MAP3K7CL: variants seen among roughly 807,000 people sequenced by gnomAD.
MAP3K7CL encodes MAP3K7 C-terminal like.
MAP3K7CL carries 16 observed loss-of-function variants against 18.6 expected under a neutral mutation model. That is an observed-to-expected ratio of 0.86 (90% confidence interval 0.58 to 1.31). MAP3K7CL has a LOEUF of 1.31. MAP3K7CL is among the 50% of genes most tolerant of loss of function. MAP3K7CL has a pLI of 0.00. For synonymous variants in MAP3K7CL, 65 were observed against 66.8 expected, an observed-to-expected ratio of 0.97 and a Z score of 0.13; for missense variants, 163 against 174.4, an observed-to-expected ratio of 0.93 and a Z score of 0.37.
intron 3 of MAP3K7CL, among the ~76,000 whole-genome samples, chr21:29,158,917 C>CTTTTTTT (rs36003464): frequency 3.0e-5 from 3 of 100,436 alleles, no homozygotes; most frequent in African/African-American, 4.0e-5. Context: ...AAAAGTAGTA[C>CTTTTTTT]TTTTTTTTTT....
chr21:29,160,312 C>G (rs1034411133), intron 4 of MAP3K7CL, among the ~76,000 whole-genome samples: 2 of 152,162 alleles, frequency 1.3e-5, no homozygotes, highest in Non-Finnish European at 1.5e-5. Context: ...AAATACCACC[C>G]AAAACCACAC....
At chr21:29,085,724 A>T, upstream of MAP3K7CL, 1 of 766,918 alleles carries the variant, frequency 1.3e-6, no homozygotes, top group South Asian at 1.7e-5. Flanking sequence ...ATTTAACATT[A>T]ATTGAATGCC....
At chr21:29,130,277 T>A (rs1007905867), upstream of MAP3K7CL, among the ~76,000 whole-genome samples, 4 of 152,246 alleles carry the variant, frequency 2.6e-5, no homozygotes, top group African/African-American at 9.6e-5. Context: ...ATTTGAAGAA[T>A]GAATCGAGTC....
At chr21:29,158,048 TGTAA>T (rs1215500889) in intron 3 of MAP3K7CL, among the ~76,000 whole-genome samples, 1 of 152,046 alleles carries the variant, frequency 6.6e-6, no homozygotes, top group Admixed American at 6.6e-5. Flanking sequence ...GTGTGGTGTT[TGTAA>T]GGACAGGATC....
chr21:29,118,109 G>A (rs376488043), intron 4 of MAP3K7CL, among the ~76,000 whole-genome samples: 17 of 136,838 alleles, frequency 1.2e-4, no homozygotes, highest in African/African-American at 4.4e-4. Context: ...TTTTTGAGAC[G>A]GACTCTTGCA....
At chr21:29,172,967 T>C (rs2123256153) in intron 4 of MAP3K7CL, among the ~76,000 whole-genome samples, 1 of 152,196 alleles carries the variant, frequency 6.6e-6, no homozygotes, top group South Asian at 2.1e-4. Context: ...CAGATCAGTA[T>C]CTGATCAGTG....
chr21:29,091,189 C>T (rs1228980889), intron 1 of MAP3K7CL, among the ~76,000 whole-genome samples: 1 of 152,136 alleles, frequency 6.6e-6, no homozygotes, highest in Admixed American at 6.5e-5. Flanking sequence ...CACAATTTCT[C>T]CATCCCTAAC....
rs145446703 is a variant in MAP3K7CL at position 29,125,222 on chromosome 21, A to G, written c.371-23967A>G. Among the ~76,000 whole-genome samples the G allele has an allele frequency of 7.6e-4, 116 of 152,332 alleles. 1 individual carries two copies. The highest frequency in any genetic ancestry group is 2.6e-3 in the African/African-American group (108 of 41,564). ...CATAACAACCTGTAGGACAGGTACT[A>G]TGATTATCCCCCATTTTATACTTGG... On this transcript the variant is annotated intron_variant, in intron 4 of 6. Transcript: ENST00000286791.
intron 2 of MAP3K7CL, among the ~76,000 whole-genome samples, chr21:29,136,682 G>A (rs1202989716): frequency 6.6e-6 from 1 of 151,926 alleles, no homozygotes; most frequent in African/African-American, 2.4e-5. Flanking sequence ...CACCAGGCCT[G>A]GCTAATTTTT....
chr21:29,142,761 G>C (rs777738400), intron 2 of MAP3K7CL, among the ~76,000 whole-genome samples: 14 of 152,180 alleles, frequency 9.2e-5, no homozygotes, highest in Non-Finnish European at 1.8e-4. Flanking sequence ...CATATACATT[G>C]CTTTATCAAT....
rs2087213670 is a variant in MAP3K7CL, at chr21:29,149,225, T to C, written c.107T>C (p.Phe36Ser). The change falls in exon 3 of 5, where the codon TTT (phenylalanine) becomes TCT (serine). Residue 36 changes from phenylalanine (F) to serine (S), a missense_variant. Transcript: ENST00000399928. ...CCTGAAGACTCCATTCCTTTGGTCTTTCCAGAATTAGACCAGCAGCTACAG... is the reference window on the plus strand; with the variant it reads ...CCTGAAGACTCCATTCCTTTGGTCTCTCCAGAATTAGACCAGCAGCTACAG... ...TPPEDSIPLV[F>S]PELDQQLQPL... 6.2e-7 allele frequency: 1 copy of C among 1,613,844 alleles called. No individual in the cohort carries two copies. The highest frequency in any genetic ancestry group is 1.3e-5 in the African/African-American group (1 of 74,942).
chr21:29,163,036 A>T (rs191851399), intron 4 of MAP3K7CL, among the ~76,000 whole-genome samples: 144 of 152,320 alleles, frequency 9.5e-4, no homozygotes, highest in Admixed American at 1.6e-3. Flanking sequence ...GCTTGAACCC[A>T]GTAGGCGGAG....
Position 29,133,295 on chromosome 21 carries a change from T to TG in MAP3K7CL, c.-39-10dup. 1.3e-6 allele frequency: 2 copies of TG among 1,546,922 alleles called. No individual in the cohort carries two copies. The highest frequency in any genetic ancestry group is 8.7e-7 in the Non-Finnish European group (1 of 1,143,800). On this transcript the variant is annotated splice_polypyrimidine_tract_variant and intron_variant, in intron 1 of 4. Coordinates refer to ENST00000399928, the MANE Select transcript of MAP3K7CL (RefSeq NM_001286620.2). The stretch of plus-strand genomic sequence containing the variant: ...GGATAAAGTGACAATGGCTCTCTCT[T>TG]GCTGTCACAGCTGGAAGACCCAGGA...
At chr21:29,078,918 C>T (rs2085792834) in intron 1 of MAP3K7CL, among the ~76,000 whole-genome samples, 1 of 152,198 alleles carries the variant, frequency 6.6e-6, no homozygotes, top group Admixed American at 6.5e-5. Flanking sequence ...GATGCAAGGA[C>T]ACTTTTTTAG....
At chr21:29,092,371 A>G in intron 3 of MAP3K7CL, 2 of 1,568,766 alleles carry the variant, frequency 1.3e-6, no homozygotes, top group Non-Finnish European at 1.8e-6. Flanking sequence ...AAAAGAACTG[A>G]CATCAAAAGG....
chr21:29,079,104 T>C (rs1226755729), intron 1 of MAP3K7CL, among the ~76,000 whole-genome samples: 1 of 152,104 alleles, frequency 6.6e-6, no homozygotes, highest in Non-Finnish European at 1.5e-5. Context: ...GCCACTCTAT[T>C]AAGAGAGGGT....
intron 4 of MAP3K7CL, among the ~76,000 whole-genome samples, chr21:29,114,973 T>G (rs1409621060): frequency 1.3e-5 from 2 of 152,222 alleles, no homozygotes; most frequent in Non-Finnish European, 2.9e-5. Flanking sequence ...CACAGAGCCC[T>G]GAGGAAATCT....
chr21:29,167,760 C>T (rs1172641953), intron 4 of MAP3K7CL, among the ~76,000 whole-genome samples: 5 of 145,030 alleles, frequency 3.4e-5, no homozygotes, highest in African/African-American at 1.0e-4. Context: ...AATGCAGTGG[C>T]GCGATCTCGG....
intron 4 of MAP3K7CL, among the ~76,000 whole-genome samples, chr21:29,124,353 C>CAAAAAAAAAAAAAAAAAAAAAAAAAAA: frequency 1.3e-5 from 1 of 78,608 alleles, no homozygotes; most frequent in Non-Finnish European, 2.4e-5. Context: ...GACTCCGTCT[C>CAAAAAAAAAAAAAAAAAAAAAAAAAAA]AAAAAAAAAA....
Sources: gnomAD v4.1 joint callset for allele counts (sites outside exome capture counted in the v4.1 genomes callset) on GRCh38, gnomAD v4.1.1 for gene constraint, MANE v1.5 for transcripts, NCBI Gene and HGNC (gene_info 2026-07-23, HGNC 2026-07-21) for gene names.